The following ADAM32 variants were observed in gnomAD, a reference collection of about 807,000 sequenced individuals.
ADAM32 encodes the protein ADAM metallopeptidase domain 32, also known as disintegrin and metalloproteinase domain-containing protein 32.
In ADAM32, 89 loss-of-function variants were observed where a neutral mutation model predicts 114.9. The observed-to-expected ratio is 0.77, with a 90% CI of 0.65 to 0.92. ADAM32 has a LOEUF of 0.92. Among genes scored for constraint, ADAM32 ranks in the 40% least tolerant of loss-of-function variants. ADAM32 has a pLI of 0.00. For synonymous variants in ADAM32, 285 were observed against 307.5 expected (o/e 0.93, Z 0.77); for missense variants, 870 against 932.8 (o/e 0.93, Z 0.88).
At chr8:39,154,472 C>A (rs1260535915) in intron 6 of ADAM32, among the ~76,000 whole-genome samples, 1 of 152,134 alleles carries the variant, frequency 6.6e-6, no homozygotes. Flanking sequence ...CAAGTCTTTG[C>A]TATTGTGAAC....
intron 17 of ADAM32, among the ~76,000 whole-genome samples, chr8:39,250,360 T>C (rs952508470): frequency 1.3e-5 from 2 of 151,860 alleles, no homozygotes; most frequent in Non-Finnish European, 2.9e-5. Flanking sequence ...AATTATTCTA[T>C]TTACGGGCCC....
In ADAM32 at chr8:39,187,026, A is replaced by G. The variant is rs1806286249; in HGVS notation, c.1033A>G (p.Ile345Val). 6.2e-7 allele frequency: 1 copy of G among 1,609,234 alleles called. No homozygotes were observed. The highest frequency in any genetic ancestry group is 1.7e-5 in the Admixed American group (1 of 59,070). ...KKCQCSESTC[I>V]MNPEVVQSNG... ...ATGTCAATGTTCAGAATCCACCTGT[A>G]TAATGAATCCAGAAGTTGTGTAAGT... is the stretch of plus-strand genomic sequence containing the variant. Residue 345 changes from isoleucine (I) to valine (V), a missense_variant, in exon 11 of 25, where the codon ATA becomes GTA. Coordinates refer to ENST00000379907, the MANE Select transcript of ADAM32 (RefSeq NM_145004.7).
At chr8:39,149,915 C>T in intron 5 of ADAM32, 48 bp downstream of exon 5, 1 of 1,482,976 alleles carries the variant, frequency 6.7e-7, no homozygotes, top group Admixed American at 1.8e-5. Context: ...TGATATTTGG[C>T]TGCAGTGAAT....
intron 17 of ADAM32, among the ~76,000 whole-genome samples, chr8:39,250,759 A>G (rs1450772931): frequency 6.6e-6 from 1 of 151,898 alleles, no homozygotes; most frequent in Admixed American, 6.6e-5. Context: ...GATCTGTCAA[A>G]CACTTGGTCT....
At chr8:39,225,352 A>G (rs1339568889) in intron 14 of ADAM32, among the ~76,000 whole-genome samples, 1 of 152,058 alleles carries the variant, frequency 6.6e-6, no homozygotes, top group African/African-American at 2.4e-5. Context: ...TTCATACATC[A>G]TTACTTATGT....
At chr8:39,141,569 T>A (rs545065396) in intron 3 of ADAM32, among the ~76,000 whole-genome samples, 2 of 152,294 alleles carry the variant, frequency 1.3e-5, no homozygotes, top group South Asian at 4.2e-4. Context: ...TTGTTGTGAT[T>A]TCTGTTCTTT....
chr8:39,155,784 T>C (rs1804106967), intron 6 of ADAM32, among the ~76,000 whole-genome samples: 1 of 152,206 alleles, frequency 6.6e-6, no homozygotes, highest in Admixed American at 6.5e-5. Flanking sequence ...TTTTGTTTAG[T>C]GGATTTTTTT....
intron 23 of ADAM32, 61 bp from the exon 24 acceptor site, chr8:39,283,525 A>C: frequency 7.5e-7 from 1 of 1,341,398 alleles, no homozygotes; most frequent in Non-Finnish European, 1.0e-6. Context: ...AAATAAATAC[A>C]ACATAAGTTT....
intron 19 of ADAM32, among the ~76,000 whole-genome samples, chr8:39,257,918 T>C (rs527627596): frequency 1.9e-4 from 29 of 152,258 alleles, no homozygotes; most frequent in South Asian, 1.0e-3. Context: ...AAATAAGCCA[T>C]TGTATTTGCA....
At chr8:39,110,109 G>A (rs1175920884) in intron 1 of ADAM32, among the ~76,000 whole-genome samples, 1 of 151,760 alleles carries the variant, frequency 6.6e-6, no homozygotes, top group Non-Finnish European at 1.5e-5. Flanking sequence ...TTACTCTGTC[G>A]CCCAGGCTGG....
At chr8:39,160,806 G>C in intron 6 of ADAM32, 91 bp from the exon 7 acceptor site, 2 of 1,099,420 alleles carry the variant, frequency 1.8e-6, no homozygotes, top group African/African-American at 1.6e-5. Flanking sequence ...TGCATATCTT[G>C]TAAGTGCTGT....
At chr8:39,256,903 T>A (rs919693826) in intron 18 of ADAM32, among the ~76,000 whole-genome samples, 7 of 152,004 alleles carry the variant, frequency 4.6e-5, no homozygotes, top group African/African-American at 1.7e-4. Context: ...TTGTATATCA[T>A]TGAATTTTTT....
chr8:39,108,358 A>G (rs1475859409), intron 1 of ADAM32, among the ~76,000 whole-genome samples: 2 of 152,298 alleles, frequency 1.3e-5, no homozygotes, highest in South Asian at 2.1e-4. Flanking sequence ...AGTGGGCAAC[A>G]GTAGGCAACA....
chr8:39,187,962 A>C (rs1806356975), intron 11 of ADAM32, among the ~76,000 whole-genome samples: 1 of 152,226 alleles, frequency 6.6e-6, no homozygotes, highest in Non-Finnish European at 1.5e-5. Context: ...TCAGACAAGA[A>C]CTACAGCAGG....
rs192914925 is a variant in ADAM32, at chr8:39,157,597, C to A, written c.526-3300C>A. ...TTGAGTGGTCCCATGAATGCTTCTT[C>A]TCCATGGTTTGGAAGCGGCCATGGC... On this transcript the variant is annotated intron_variant, in intron 6 of 24. Coordinates refer to ENST00000379907, the MANE Select transcript of ADAM32 (RefSeq NM_145004.7). 394 of 551,046 alleles carry A rather than the reference C, an allele frequency of 7.2e-4. 2 individuals are homozygous for A. The Admixed American group carries it at 8.3e-3, about 12-fold the overall frequency. 34.1% of individuals were successfully genotyped at this position (551,046 alleles called of 1,614,324 possible). A position where few individuals can be genotyped will look rare whatever the true frequency, so the allele number is the denominator to read the frequency against.
rs59048344 is a variant in ADAM32 at position 39,254,225 on chromosome 8, CTT to C, written c.1903-174_1903-173del. Reference sequence around the variant, plus strand: ...ATATTGAGAGCCTCACTTTATAGTTCTTTTTTTTTTTTTTTTGCTTTGTGTGT... The same window carrying C: ...ATATTGAGAGCCTCACTTTATAGTTCTTTTTTTTTTTTTTGCTTTGTGTGT... On this transcript the variant is annotated intron_variant, in intron 17 of 24. Transcript: ENST00000379907. 8.8e-3 allele frequency among the ~76,000 whole-genome samples: 1,107 copies of C among 125,252 alleles called. 6 individuals carry two copies. The highest frequency in any genetic ancestry group is 0.012 in the Non-Finnish European group (712 of 58,016). The allele number at this position is 125,252 out of a possible 152,430, so 82.2% of individuals were successfully genotyped here. A position where few individuals can be genotyped will look rare whatever the true frequency, so the allele number is the denominator to read the frequency against.
At chr8:39,123,860 T>C (rs577143615) in intron 2 of ADAM32, among the ~76,000 whole-genome samples, 1 of 151,938 alleles carries the variant, frequency 6.6e-6, no homozygotes, top group East Asian at 1.9e-4. Context: ...GCACACGCCA[T>C]GACACCCAGC....
At chr8:39,181,237 A>T (rs1805867851) in intron 10 of ADAM32, among the ~76,000 whole-genome samples, 1 of 152,064 alleles carries the variant, frequency 6.6e-6, no homozygotes, top group South Asian at 2.1e-4. Context: ...TGTAACACTC[A>T]CCACGAAGAT....
intron 10 of ADAM32, among the ~76,000 whole-genome samples, chr8:39,176,971 G>A (rs1805569574): frequency 6.6e-6 from 1 of 151,626 alleles, no homozygotes. Context: ...GATCTTTGTT[G>A]GTTTAAAGTC....
Sources: allele counts gnomAD v4.1 joint callset (sites outside exome capture counted in the v4.1 genomes callset), GRCh38; gene constraint gnomAD v4.1.1; transcripts MANE v1.5; gene names NCBI Gene and HGNC (gene_info 2026-07-23, HGNC 2026-07-21).